STK39: variants seen among roughly 807,000 people sequenced by gnomAD.
STK39 encodes STE20/SPS1-related proline-alanine-rich protein kinase.
In STK39, 20 loss-of-function variants were observed where a neutral mutation model predicts 77.8. The observed-to-expected ratio is 0.26, with a 90% confidence interval of 0.18 to 0.37. STK39 has a LOEUF of 0.37. Ranked by LOEUF, STK39 falls within the 10% of genes least tolerant of loss-of-function variation. The pLI is 1.00. For synonymous variants in STK39, 246 were observed against 234.1 expected (o/e 1.05, Z -0.47); for missense variants, 479 against 656.5 (o/e 0.73, Z 2.95).
chr2:168,047,051 T>C (rs1047866107), intron 14 of STK39, among the ~76,000 whole-genome samples: 4 of 152,114 alleles, frequency 2.6e-5, no homozygotes, highest in African/African-American at 9.7e-5. Context: ...AAAAAGAGAA[T>C]GAAGCATTGT....
Position 167,955,463 on chromosome 2 carries a change from A to AT in STK39, c.*32dup, listed in dbSNP as rs1186692300. On this transcript the variant is annotated 3_prime_UTR_variant, in exon 18 of 18. Coordinates refer to ENST00000355999, the MANE Select transcript of STK39 (RefSeq NM_013233.3). Reference sequence around the variant, plus strand: ...AAGGGAGTAGGGGTGGCGGTGGGGCATGACAGATCAGGGTGACATCAAGGG... The same window carrying AT: ...AAGGGAGTAGGGGTGGCGGTGGGGCATTGACAGATCAGGGTGACATCAAGGG... 4 of 1,607,772 alleles carry AT rather than the reference A, an allele frequency of 2.5e-6. No individual in the cohort carries two copies. Among genetic ancestry groups the AT allele is most frequent in the Non-Finnish European group, 2.5e-6 (3 of 1,177,232 alleles).
chr2:168,225,705 T>C (rs1489739050), intron 1 of STK39, among the ~76,000 whole-genome samples: 2 of 152,210 alleles, frequency 1.3e-5, no homozygotes, highest in East Asian at 1.9e-4. Flanking sequence ...AGAAAGTACA[T>C]TAGATCAGGA....
At chr2:168,221,856 G>C (rs1433047227) in intron 1 of STK39, among the ~76,000 whole-genome samples, 2 of 152,146 alleles carry the variant, frequency 1.3e-5, no homozygotes, top group Non-Finnish European at 2.9e-5. Context: ...GTCTGATCAA[G>C]AAAAAGCAGG....
At chr2:167,999,999 G>T (rs914001639) in intron 16 of STK39, among the ~76,000 whole-genome samples, 1 of 152,138 alleles carries the variant, frequency 6.6e-6, no homozygotes, top group East Asian at 1.9e-4. Context: ...TTTTGGGCAG[G>T]GAGCTAGTGA....
intron 16 of STK39, among the ~76,000 whole-genome samples, chr2:168,010,202 C>T (rs1684235831): frequency 1.3e-5 from 2 of 152,206 alleles, no homozygotes; most frequent in Non-Finnish European, 2.9e-5. Flanking sequence ...TTTTCACTTG[C>T]TGATTAATTT....
At chr2:168,175,135 A>G (rs1269120972) in intron 2 of STK39, among the ~76,000 whole-genome samples, 6 of 152,196 alleles carry the variant, frequency 3.9e-5, no homozygotes, top group African/African-American at 1.4e-4. Context: ...TTTTTCAGCA[A>G]CAGCTTAATT....
chr2:167,990,692 G>T (rs1433631593), intron 16 of STK39, among the ~76,000 whole-genome samples: 1 of 152,140 alleles, frequency 6.6e-6, no homozygotes, highest in Non-Finnish European at 1.5e-5. Flanking sequence ...ACAGGAAAAA[G>T]AACCCACATA....
At chr2:167,997,705 T>C (rs1683883195) in intron 16 of STK39, among the ~76,000 whole-genome samples, 1 of 152,204 alleles carries the variant, frequency 6.6e-6, no homozygotes, top group Admixed American at 6.5e-5. Context: ...TTTTAAAAGC[T>C]AATAACAAAA....
intron 16 of STK39, among the ~76,000 whole-genome samples, chr2:167,981,001 T>C (rs1213047800): frequency 6.6e-6 from 1 of 151,740 alleles, no homozygotes; most frequent in Non-Finnish European, 1.5e-5. Context: ...AGAAATCAAA[T>C]CAATTCAAGG....
chr2:168,078,506 T>C (rs1345064149), intron 10 of STK39, among the ~76,000 whole-genome samples: 1 of 152,042 alleles, frequency 6.6e-6, no homozygotes, highest in Non-Finnish European at 1.5e-5. Context: ...AATCTGCAAA[T>C]ACAGTTGTAC....
chr2:168,102,227 C>T (rs1686848164), intron 10 of STK39, among the ~76,000 whole-genome samples: 1 of 152,038 alleles, frequency 6.6e-6, no homozygotes, highest in Non-Finnish European at 1.5e-5. Context: ...TGAGGAAATG[C>T]CAGACTGTCT....
chr2:168,247,196 T>A, intron 1 of STK39, 32 bp downstream of exon 1: 2 of 1,147,436 alleles, frequency 1.7e-6, no homozygotes, highest in South Asian at 2.8e-5. Context: ...GCGCCCGGCC[T>A]GTGCCGGCCC....
At chr2:168,060,125 TC>T (rs914441702) in intron 14 of STK39, among the ~76,000 whole-genome samples, 22 of 151,022 alleles carry the variant, frequency 1.5e-4, no homozygotes, top group Admixed American at 2.0e-4. Flanking sequence ...TACAAGGACA[TC>T]CCCCCCCTTT....
At chr2:168,194,003 G>A (rs755964502) in intron 1 of STK39, among the ~76,000 whole-genome samples, 10 of 152,210 alleles carry the variant, frequency 6.6e-5, no homozygotes, top group Non-Finnish European at 1.0e-4. Context: ...ATGCCTCGGC[G>A]TCAGGGACAA....
intron 14 of STK39, among the ~76,000 whole-genome samples, chr2:168,041,623 T>C (rs1685110327): frequency 6.6e-6 from 1 of 152,166 alleles, no homozygotes; most frequent in Admixed American, 6.5e-5. Flanking sequence ...AACCTAAGAA[T>C]TCCCTTCAGT....
intron 13 of STK39, among the ~76,000 whole-genome samples, chr2:168,064,325 C>T (rs1439430995): frequency 6.6e-6 from 1 of 152,166 alleles, no homozygotes; most frequent in East Asian, 1.9e-4. Flanking sequence ...CATTATTATT[C>T]TTAACTTGCC....
chr2:168,160,807 C>T (rs544763980), intron 5 of STK39, among the ~76,000 whole-genome samples: 109 of 152,048 alleles, frequency 7.2e-4, no homozygotes, highest in South Asian at 3.3e-3. Flanking sequence ...AACTGAAGTA[C>T]TTTTTCAAAC....
At chr2:168,042,590 T>A (rs957958729) in intron 14 of STK39, among the ~76,000 whole-genome samples, 25 of 151,122 alleles carry the variant, frequency 1.7e-4, no homozygotes, top group Non-Finnish European at 3.7e-4. Flanking sequence ...TTTTTTTTTT[T>A]TTTTTCTTGA....
intron 16 of STK39, among the ~76,000 whole-genome samples, chr2:167,978,324 A>G (rs1683334073): frequency 6.6e-6 from 1 of 152,076 alleles, no homozygotes; most frequent in Non-Finnish European, 1.5e-5. Context: ...CTCTGAAACA[A>G]AATTTTCAGA....
Sources: gnomAD v4.1 joint callset for allele counts (sites outside exome capture counted in the v4.1 genomes callset) on GRCh38, gnomAD v4.1.1 for gene constraint, MANE v1.5 for transcripts, NCBI Gene and HGNC (gene_info 2026-07-23, HGNC 2026-07-21) for gene names.